The following TMEM181 variants were observed in gnomAD, a reference collection of about 807,000 sequenced individuals.
TMEM181 encodes the protein transmembrane protein 181, also known as G protein-coupled receptor 178.
A neutral mutation model predicts 71.9 loss-of-function variants in TMEM181; 39 were observed. That is an observed-to-expected ratio of 0.54 (90% confidence interval 0.42 to 0.71). The LOEUF is 0.71. Ranked by LOEUF, TMEM181 falls within the 30% of genes least tolerant of loss-of-function variation. The pLI, the probability that TMEM181 is intolerant of heterozygous loss-of-function variation, is 0.00. For synonymous variants in TMEM181, 245 were observed against 228.8 expected, an observed-to-expected ratio of 1.07 and a Z score of -0.64; for missense variants, 595 against 583.0, an observed-to-expected ratio of 1.02 and a Z score of -0.21.
intron 6 of TMEM181, among the ~76,000 whole-genome samples, chr6:158,599,982 TAGG>T (rs759212638): frequency 6.6e-6 from 1 of 151,946 alleles, no homozygotes; most frequent in Admixed American, 6.5e-5. Context: ...GGACGCATGA[TAGG>T]AGGAAGGAAG....
At chr6:158,574,119 T>A (rs867704747) in intron 2 of TMEM181, among the ~76,000 whole-genome samples, 4 of 152,316 alleles carry the variant, frequency 2.6e-5, no homozygotes, top group Middle Eastern at 3.4e-3. Flanking sequence ...AATCTGTTCC[T>A]CCATTGCTTT....
At chr6:158,556,611 T>A (rs1470019026), upstream of TMEM181, among the ~76,000 whole-genome samples, 6 of 152,192 alleles carry the variant, frequency 3.9e-5, no homozygotes, top group Non-Finnish European at 8.8e-5. Flanking sequence ...GGACAGGCAG[T>A]TACTGGGCAG....
At position 158,629,779 on chromosome 6, in the gene TMEM181, C is replaced by T. The variant is rs1055200508; in HGVS notation, c.1242C>T (p.Thr414=). The T allele has an allele frequency of 1.2e-6, 2 of 1,614,000 alleles. No homozygotes were observed. Among genetic ancestry groups the T allele is most frequent in the South Asian group, 2.2e-5 (2 of 91,078 alleles). The change falls in exon 15 of 17, where the codon ACC becomes ACT. Residue 414 remains threonine (T), a synonymous_variant. Coordinates refer to ENST00000684151, the MANE Select transcript of TMEM181 (RefSeq NM_001376852.1). ...GCCTGTTGAACTTCTATCTCTACAC[C>T]TTGGCCTTTGTATATTCTCCATCGA... ...FYGLLNFYLY[T]LAFVYSPSKN... is the part of the protein sequence containing the mutation.
intron 2 of TMEM181, among the ~76,000 whole-genome samples, chr6:158,575,131 CAATAG>C (rs1394728198): frequency 2.0e-5 from 3 of 152,206 alleles, no homozygotes; most frequent in African/African-American, 2.4e-5. Context: ...CCCACAGACA[CAATAG>C]AATAATGTTT....
chr6:158,610,918 G>T (rs923760668), intron 10 of TMEM181: 2 of 410,956 alleles, frequency 4.9e-6, no homozygotes, highest in Non-Finnish European at 9.4e-6. Context: ...ATGGCTGAGG[G>T]TTTCAGTGGG....
intron 1 of TMEM181, among the ~76,000 whole-genome samples, chr6:158,551,262 A>G (rs1353463965): frequency 2.0e-5 from 3 of 152,134 alleles, no homozygotes; most frequent in Non-Finnish European, 4.4e-5. Context: ...GCCCGGCTCA[A>G]TTATTTAATT....
intron 1 of TMEM181, among the ~76,000 whole-genome samples, chr6:158,545,814 A>G (rs908360730): frequency 1.3e-5 from 2 of 152,030 alleles, no homozygotes; most frequent in Non-Finnish European, 2.9e-5. Flanking sequence ...CTCCCACCTC[A>G]GCCTCCTGAA....
At chr6:158,581,583 C>A (rs1390613697) in intron 3 of TMEM181, among the ~76,000 whole-genome samples, 3 of 151,924 alleles carry the variant, frequency 2.0e-5, no homozygotes, top group African/African-American at 7.3e-5. Flanking sequence ...GAAACCCCAT[C>A]TCTACTGAAA....
At chr6:158,565,568 G>T (rs1302790892) in intron 1 of TMEM181, among the ~76,000 whole-genome samples, 1 of 152,250 alleles carries the variant, frequency 6.6e-6, no homozygotes, top group East Asian at 1.9e-4. Flanking sequence ...GCAATTCAGT[G>T]GTTCGCTTAC....
intron 1 of TMEM181, among the ~76,000 whole-genome samples, chr6:158,543,490 A>G (rs1781424242): frequency 6.6e-6 from 1 of 152,232 alleles, no homozygotes. Context: ...ACAGGGATGT[A>G]TCGTCTCCTG....
chr6:158,588,240 G>A (rs770220706), intron 5 of TMEM181, among the ~76,000 whole-genome samples: 3 of 152,230 alleles, frequency 2.0e-5, no homozygotes, highest in Non-Finnish European at 2.9e-5. Flanking sequence ...CCCTCCCTGC[G>A]GAGCACTGTG....
chr6:158,548,465 C>T (rs776679041), intron 1 of TMEM181, among the ~76,000 whole-genome samples: 2 of 152,144 alleles, frequency 1.3e-5, no homozygotes, highest in African/African-American at 2.4e-5. Context: ...GGACTGAGGG[C>T]GTCTTCAGGA....
In TMEM181 at chr6:158,585,893, C is replaced by G. The variant is rs1213203276; in HGVS notation, c.381+468C>G. On this transcript the variant is annotated intron_variant, in intron 5 of 16. Transcript: ENST00000684151. ...AGGCTGGAGTGCAGTGGCACAATCA[C>G]AGCTCACTGCAGCCTCAAACTCCTG... 3.9e-5 allele frequency among the ~76,000 whole-genome samples: 6 copies of G among 152,158 alleles called. No individual in the cohort carries two copies. The East Asian group carries it at 1.2e-3, about 29-fold the overall frequency.
At chr6:158,559,965 G>C (rs1561679), upstream of TMEM181, 441,716 of 808,684 alleles carry the variant, frequency 0.55, 122,369 homozygotes, top group African/African-American at 0.77. Flanking sequence ...GCTCCGCCCC[G>C]GCACGGGGCC....
intron 10 of TMEM181, chr6:158,611,718 T>G (rs1785323803): frequency 4.2e-6 from 1 of 239,466 alleles, no homozygotes. Flanking sequence ...GGGAGGAATG[T>G]AAGAGTTAAA....
intron 1 of TMEM181, among the ~76,000 whole-genome samples, chr6:158,541,481 C>T (rs1270514332): frequency 6.6e-6 from 1 of 152,022 alleles, no homozygotes; most frequent in Non-Finnish European, 1.5e-5. Flanking sequence ...GTGGAGACAC[C>T]CTGGGGCACC....
rs139720906 is a variant in TMEM181 at position 158,566,954 on chromosome 6, G to A, written c.9-6466G>A. ...TTTTGGGGATAGGCATTCCAGTAAA[G>A]GTGTGTTTAGTTTTTCTAGGAAACA... is the stretch of plus-strand genomic sequence containing the variant. On this transcript the variant is annotated intron_variant, in intron 1 of 16. Transcript: ENST00000684151. 7.2e-5 allele frequency among the ~76,000 whole-genome samples: 11 copies of A among 152,284 alleles called. No individual in the cohort carries two copies. In the East Asian group the frequency reaches 1.9e-3, roughly 27 times the overall value.
At position 158,554,599 on chromosome 6, in the gene TMEM181, A is replaced by G. The variant is rs111616586; in HGVS notation, c.131+17734A>G. Among the ~76,000 whole-genome samples the G allele has an allele frequency of 4.3e-3, 661 of 152,344 alleles. 4 individuals are homozygous for G. Among genetic ancestry groups the G allele is most frequent in the African/African-American group, 0.015 (624 of 41,576 alleles). ...GTTTTGCTCAAAGTCACAGTTTCCA[A>G]CAACCTATTCACAACATTAAGTCAG... On this transcript the variant is annotated intron_variant, in intron 1 of 16. Transcript: ENST00000367090.
chr6:158,567,367 G>A (rs891770640), intron 1 of TMEM181, among the ~76,000 whole-genome samples: 1 of 152,340 alleles, frequency 6.6e-6, no homozygotes, highest in Non-Finnish European at 1.5e-5. Flanking sequence ...CAACACAAAC[G>A]CTTTTGGAAT....
Sources: allele counts gnomAD v4.1 joint callset (sites outside exome capture counted in the v4.1 genomes callset), GRCh38; gene constraint gnomAD v4.1.1; transcripts MANE v1.5; gene names NCBI Gene and HGNC (gene_info 2026-07-23, HGNC 2026-07-21).